C8orf34: variants seen among roughly 807,000 people sequenced by gnomAD.
The protein encoded by C8orf34 is chromosome 8 open reading frame 34.
C8orf34 carries 65 observed loss-of-function variants against 68.3 expected under a neutral mutation model. The observed-to-expected ratio is 0.95, with a 90% confidence interval of 0.78 to 1.17. The LOEUF (loss-of-function observed/expected upper bound fraction) is 1.17. Ranked by LOEUF, C8orf34 falls within the 50% of genes most tolerant of loss-of-function variation. The pLI is 0.00. For synonymous variants in C8orf34, 244 were observed against 241.2 expected (o/e 1.01, Z -0.11); for missense variants, 664 against 655.4 (o/e 1.01, Z -0.14).
chr8:68,639,059 G>C (rs1818928466), intron 7 of C8orf34, among the ~76,000 whole-genome samples: 1 of 152,024 alleles, frequency 6.6e-6, no homozygotes, highest in African/African-American at 2.4e-5. Context: ...AGTGTTTAAT[G>C]CTGGCTGAAA....
At chr8:68,348,045 G>A (rs1092886) in intron 1 of C8orf34, among the ~76,000 whole-genome samples, 17,810 of 151,966 alleles carry the variant, frequency 0.12, 1,146 homozygotes, top group African/African-American at 0.16. Flanking sequence ...CCATTCCTGT[G>A]TCCACGGTGG....
chr8:68,543,222 GA>G (rs1485055618), intron 7 of C8orf34, among the ~76,000 whole-genome samples: 5 of 152,100 alleles, frequency 3.3e-5, no homozygotes, highest in South Asian at 4.2e-4. Flanking sequence ...GATGCTTTCT[GA>G]AAAAACTATT....
rs759287444 is a variant in C8orf34, at chr8:68,678,227, C to G, written c.1242-30767C>G. 2.6e-5 allele frequency among the ~76,000 whole-genome samples: 4 copies of G among 152,048 alleles called. No homozygotes were observed. The East Asian group carries it at 7.7e-4, about 29-fold the overall frequency. ...AAACTCATTCTATGGTCCATATTACCCTGAAACCCAAATCAGACAAAGACA... is the reference window on the plus strand; with the variant it reads ...AAACTCATTCTATGGTCCATATTACGCTGAAACCCAAATCAGACAAAGACA... On this transcript the variant is annotated intron_variant, in intron 8 of 13. Coordinates refer to ENST00000518698, the MANE Select transcript of C8orf34 (RefSeq NM_052958.4).
At chr8:68,337,702 A>T (rs763237027) in intron 1 of C8orf34, among the ~76,000 whole-genome samples, 1 of 152,184 alleles carries the variant, frequency 6.6e-6, no homozygotes, top group Non-Finnish European at 1.5e-5. Flanking sequence ...TAGTTCACCT[A>T]TTGGGTTTCT....
At chr8:68,670,666 C>T (rs183870897) in intron 8 of C8orf34, among the ~76,000 whole-genome samples, 114 of 152,278 alleles carry the variant, frequency 7.5e-4, no homozygotes, top group African/African-American at 2.6e-3. Context: ...TCTCACCCCC[C>T]ATTTCCCTCT....
At chr8:68,399,337 G>C (rs573795217) in intron 1 of C8orf34, among the ~76,000 whole-genome samples, 3 of 151,780 alleles carry the variant, frequency 2.0e-5, no homozygotes, top group Non-Finnish European at 4.4e-5. Context: ...CCATGCCTCC[G>C]TTGTCTATCA....
chr8:68,358,220 T>C (rs1258550573), intron 1 of C8orf34, among the ~76,000 whole-genome samples: 1 of 152,122 alleles, frequency 6.6e-6, no homozygotes, highest in African/African-American at 2.4e-5. Context: ...ACTAAAAAGA[T>C]TTGTTTGGCT....
chr8:68,760,215 G>T (rs1822984137), intron 10 of C8orf34, among the ~76,000 whole-genome samples: 1 of 152,108 alleles, frequency 6.6e-6, no homozygotes, highest in African/African-American at 2.4e-5. Flanking sequence ...AGGTGATGGG[G>T]GGCCGTGATG....
chr8:68,411,795 T>TTTTTTC (rs1251795311), intron 1 of C8orf34, among the ~76,000 whole-genome samples: 2 of 152,204 alleles, frequency 1.3e-5, no homozygotes, highest in Non-Finnish European at 2.9e-5. Flanking sequence ...TTATACAGAT[T>TTTTTTC]TTTTTCTATG....
At chr8:68,544,818 TTG>T (rs1815818698) in intron 7 of C8orf34, among the ~76,000 whole-genome samples, 1 of 151,770 alleles carries the variant, frequency 6.6e-6, no homozygotes, top group Non-Finnish European at 1.5e-5. Flanking sequence ...ATCAGCAAAT[TTG>T]AAGATACGTC....
chr8:68,442,416 A>G (rs547614085), intron 2 of C8orf34, among the ~76,000 whole-genome samples: 12 of 152,226 alleles, frequency 7.9e-5, no homozygotes, highest in Admixed American at 5.9e-4. Context: ...GAAGGAAGAG[A>G]GAAAACAGTT....
intron 1 of C8orf34, among the ~76,000 whole-genome samples, chr8:68,406,747 G>A (rs1356587541): frequency 9.9e-5 from 15 of 152,030 alleles, no homozygotes; most frequent in African/African-American, 3.4e-4. Flanking sequence ...CACTCACCTC[G>A]GCCTCCCAAA....
At chr8:68,430,863 T>TA (rs1778743943) in intron 1 of C8orf34, among the ~76,000 whole-genome samples, 1 of 152,052 alleles carries the variant, frequency 6.6e-6, no homozygotes, top group South Asian at 2.1e-4. Flanking sequence ...AGGCAACCCC[T>TA]CTTCTCTAAA....
intron 7 of C8orf34, among the ~76,000 whole-genome samples, chr8:68,601,999 C>A (rs1397516827): frequency 6.6e-6 from 1 of 152,260 alleles, no homozygotes; most frequent in East Asian, 1.9e-4. Context: ...CAGCTCCCTC[C>A]CCCACCATCA....
At chr8:68,726,388 T>TA (rs1300758271) in intron 10 of C8orf34, among the ~76,000 whole-genome samples, 1 of 151,878 alleles carries the variant, frequency 6.6e-6, no homozygotes, top group East Asian at 1.9e-4. Flanking sequence ...ACCAGAGCAG[T>TA]ATGGAAAGAG....
intron 8 of C8orf34, among the ~76,000 whole-genome samples, chr8:68,681,905 A>T (rs1175755751): frequency 6.6e-6 from 1 of 152,190 alleles, no homozygotes; most frequent in African/African-American, 2.4e-5. Flanking sequence ...AAGTGAGATA[A>T]GCCAGGCTTA....
In C8orf34 at chr8:68,456,269, T is replaced by A. The variant is rs559358257; in HGVS notation, c.607+9809T>A. Among the ~76,000 whole-genome samples the A allele has an allele frequency of 2.4e-3, 362 of 148,602 alleles. 1 individual carries two copies. The highest frequency in any genetic ancestry group is 7.1e-3 in the African/African-American group (287 of 40,194). ...ACACTCTGTCTGAAAAAAAAAAAAA[T>A]TTTCTGTCTAAAATTTACTTAAAAT... On this transcript the variant is annotated intron_variant, in intron 3 of 13. Coordinates refer to ENST00000518698, the MANE Select transcript of C8orf34 (RefSeq NM_052958.4).
intron 7 of C8orf34, among the ~76,000 whole-genome samples, chr8:68,595,997 C>T (rs1379373183): frequency 1.3e-5 from 2 of 152,066 alleles, no homozygotes; most frequent in African/African-American, 4.8e-5. Flanking sequence ...CCCTTTATGT[C>T]TCTGAAGATA....
Position 68,404,275 on chromosome 8 carries a change from C to T in C8orf34, c.328-35224C>T, listed in dbSNP as rs1293810243. ...TTTCCTCATAGATTCTGGATATTAG[C>T]CCTTTGTCAGATGGATAGATTGCAA... is the stretch of plus-strand genomic sequence containing the variant. On this transcript the variant is annotated intron_variant, in intron 1 of 13. Coordinates refer to ENST00000518698, the MANE Select transcript of C8orf34 (RefSeq NM_052958.4). 4.0e-5 allele frequency among the ~76,000 whole-genome samples: 6 copies of T among 151,726 alleles called. No individual in the cohort carries two copies. In the East Asian group the frequency reaches 1.2e-3, roughly 30 times the overall value.
Sources: allele counts gnomAD v4.1 joint callset (sites outside exome capture counted in the v4.1 genomes callset), GRCh38; gene constraint gnomAD v4.1.1; transcripts MANE v1.5; gene names NCBI Gene and HGNC (gene_info 2026-07-23, HGNC 2026-07-21).